SPATA13: variants seen among roughly 807,000 people sequenced by gnomAD.
SPATA13 encodes spermatogenesis associated 13.
In SPATA13, 50 loss-of-function variants were observed where a neutral mutation model predicts 104.0. The ratio of observed to expected loss-of-function variants is 0.48; its 90% CI spans 0.38 to 0.61. SPATA13 has a LOEUF of 0.61. SPATA13 is among the 20% of genes least tolerant of loss of function. The pLI, the probability that SPATA13 is intolerant of heterozygous loss-of-function variation, is 0.00. For synonymous variants in SPATA13, 606 were observed against 667.5 expected (o/e 0.91, Z 1.42); for missense variants, 1,524 against 1,690.6 (o/e 0.90, Z 1.73).
intron 3 of SPATA13, among the ~76,000 whole-genome samples, chr13:24,115,990 A>G (rs1409022): frequency 0.49 from 73,629 of 151,570 alleles, 18,977 homozygotes; most frequent in South Asian, 0.57. Flanking sequence ...GAACCTTATG[A>G]TCTAGTCTCA....
intron 1 of SPATA13, among the ~76,000 whole-genome samples, chr13:24,168,225 G>A (rs1255362393): frequency 2.0e-5 from 3 of 152,130 alleles, no homozygotes; most frequent in South Asian, 2.1e-4. Flanking sequence ...ACCCATAGCC[G>A]GTGCCCTTGG....
intron 1 of SPATA13, among the ~76,000 whole-genome samples, chr13:24,204,096 A>G (rs1870567840): frequency 6.6e-6 from 1 of 152,182 alleles, no homozygotes; most frequent in Admixed American, 6.5e-5. Context: ...TGGCTTCCTG[A>G]GAGAGACAGT....
rs371279268 is a variant in SPATA13 at position 24,297,036 on chromosome 13, TTTG to T, written c.3211-312_3211-310del. Among the ~76,000 whole-genome samples, 533 of 151,956 alleles carry T rather than the reference TTTG, an allele frequency of 3.5e-3. 4 individuals carry two copies. Among genetic ancestry groups the T allele is most frequent in the African/African-American group, 0.011 (446 of 41,458 alleles). On this transcript the variant is annotated intron_variant, in intron 10 of 12. Transcript: ENST00000382108. Reference sequence around the variant, plus strand: ...TTTTGTTGTTGTTGTTGTTTGTTTGTTTGTTGTTGTTGTTGTTTAGAGAGAAGG... The same window carrying T: ...TTTTGTTGTTGTTGTTGTTTGTTTGTTTGTTGTTGTTGTTTAGAGAGAAGG...
chr13:24,236,397 C>A (rs956586397), intron 2 of SPATA13, among the ~76,000 whole-genome samples: 17 of 152,074 alleles, frequency 1.1e-4, no homozygotes, highest in African/African-American at 4.1e-4. Context: ...TTGAGACCAG[C>A]CTGGACAACA....
rs1481620361 is a variant in SPATA13 at position 24,224,173 on chromosome 13, A to G, written c.1244A>G (p.Lys415Arg). Residue 415 changes from lysine to arginine, a missense_variant, in exon 2 of 13, where the codon AAA (lysine) becomes AGA (arginine). Lys to Arg is a conservative substitution (Grantham distance 26). Around this residue, in one of 2 missense-constraint regions of SPATA13, gnomAD observed 1,089 missense variants for 1,135.9 expected, o/e 0.96. Transcript: ENST00000382108. ...ACTGCCGTATTTCCTCTTGAAACCA[A>G]AAGTTCCTGGGCGGTGGAAAGCGAC... is the stretch of plus-strand genomic sequence containing the variant. ...ADTAVFPLET[K>R]SSWAVESDSS... 10 of 1,551,728 alleles carry G rather than the reference A, an allele frequency of 6.4e-6. No individual in the cohort carries two copies. Among genetic ancestry groups the G allele is most frequent in the Non-Finnish European group, 8.7e-6 (10 of 1,147,004 alleles).
chr13:24,142,855 C>T (rs1881807650), intron 3 of SPATA13, among the ~76,000 whole-genome samples: 1 of 152,160 alleles, frequency 6.6e-6, no homozygotes, highest in Non-Finnish European at 1.5e-5. Flanking sequence ...AGAGTGTTTC[C>T]CTTCCCCTGG....
chr13:24,064,843 A>T (rs1387720300), intron 3 of SPATA13, among the ~76,000 whole-genome samples: 1 of 152,108 alleles, frequency 6.6e-6, no homozygotes, highest in African/African-American at 2.4e-5. Flanking sequence ...TGGGGTAGGT[A>T]TTTTTTTCAA....
chr13:24,238,132 CTTTT>C (rs66810619), intron 2 of SPATA13, among the ~76,000 whole-genome samples: 2 of 77,154 alleles, frequency 2.6e-5, no homozygotes, highest in Non-Finnish European at 4.8e-5. Flanking sequence ...TTCTTCTTGA[CTTTT>C]TTTTTTTTTT....
At position 24,304,002 on chromosome 13, in the gene SPATA13, A is replaced by G. The variant is rs1381690330; in HGVS notation, c.*1229A>G. ...TATGATACAGTGAATATGAAAATGC[A>G]CTGGTCAGAAGGCACTCTCAAAGAG... On this transcript the variant is annotated 3_prime_UTR_variant, in exon 13 of 13. Transcript: ENST00000382108. 1.3e-5 allele frequency: 2 copies of G among 152,262 alleles called. No homozygotes were observed. The highest frequency in any genetic ancestry group is 4.8e-5 in the African/African-American group (2 of 41,462). The allele number at this position is 152,262 out of a possible 1,614,324, so 9.4% of individuals were successfully genotyped here.
chr13:24,059,896 G>T (rs1878716595), intron 3 of SPATA13, among the ~76,000 whole-genome samples: 1 of 152,200 alleles, frequency 6.6e-6, no homozygotes, highest in Admixed American at 6.5e-5. Context: ...AATAGGAGTG[G>T]TAAGAGGGGC....
chr13:24,073,809 G>A (rs1879242052), intron 3 of SPATA13, among the ~76,000 whole-genome samples: 1 of 152,202 alleles, frequency 6.6e-6, no homozygotes, highest in African/African-American at 2.4e-5. Flanking sequence ...GGGAGATGTG[G>A]GAGGGAGAAA....
At chr13:24,215,671 G>A (rs1220605) in intron 1 of SPATA13, among the ~76,000 whole-genome samples, 101,033 of 152,076 alleles carry the variant, frequency 0.66, 33,763 homozygotes, top group Admixed American at 0.74. Flanking sequence ...AGCTGTGGAT[G>A]TAAAAGCTAC....
chr13:24,234,423 C>A lies in SPATA13; in HGVS notation c.1653+9841C>A, dbSNP rs554256130. 6.6e-5 allele frequency among the ~76,000 whole-genome samples: 10 copies of A among 152,228 alleles called. 1 individual carries two copies. Among genetic ancestry groups the A allele is most frequent in the Admixed American group, 3.3e-4 (5 of 15,286 alleles). On this transcript the variant is annotated intron_variant, in intron 2 of 12. Coordinates refer to ENST00000382108, the MANE Select transcript of SPATA13 (RefSeq NM_001166271.3). ...TGATTTCAGTATACGTTTTTCTCCTCTTCTATATTTCTCTTCTTGAACTTC... is the reference window on the plus strand; with the variant it reads ...TGATTTCAGTATACGTTTTTCTCCTATTCTATATTTCTCTTCTTGAACTTC...
intron 1 of SPATA13, among the ~76,000 whole-genome samples, chr13:24,200,094 T>A (rs999381370): frequency 6.6e-6 from 1 of 152,236 alleles, no homozygotes; most frequent in Non-Finnish European, 1.5e-5. Context: ...TTATTCTCTT[T>A]GCCAGACTTG....
At chr13:24,292,457 G>T (rs1233302080) in intron 9 of SPATA13, among the ~76,000 whole-genome samples, 1 of 152,196 alleles carries the variant, frequency 6.6e-6, no homozygotes, top group Non-Finnish European at 1.5e-5. Flanking sequence ...TTTTAGATGA[G>T]AATCGAAACA....
chr13:24,151,540 G>A lies in SPATA13; in HGVS notation c.-111-71279G>A, dbSNP rs115943848. 3.1e-3 allele frequency among the ~76,000 whole-genome samples: 469 copies of A among 152,272 alleles called. 3 individuals are homozygous for A. The highest frequency in any genetic ancestry group is 0.01 in the African/African-American group (423 of 41,548). On this transcript the variant is annotated intron_variant, in intron 3 of 14. Transcript: ENST00000424834. ...AAAATACCCAGTTATATACATGAAA[G>A]TCCTGTCTCTGTCAGGGTTTTGTAA...
At chr13:24,239,208 T>A (rs1212871444) in intron 2 of SPATA13, among the ~76,000 whole-genome samples, 2 of 152,172 alleles carry the variant, frequency 1.3e-5, no homozygotes, top group African/African-American at 4.8e-5. Flanking sequence ...ATTATTTTGT[T>A]TGTAGAATGG....
intron 3 of SPATA13, among the ~76,000 whole-genome samples, chr13:24,113,868 CAA>C (rs958434459): frequency 7.1e-5 from 4 of 56,172 alleles, no homozygotes; most frequent in African/African-American, 1.3e-4. Context: ...GACTCGATCT[CAA>C]AAAAAAAAAA....
At position 24,223,128 on chromosome 13, in the gene SPATA13, C is replaced by A. The variant is rs937701242; in HGVS notation, c.199C>A (p.Leu67Ile). Residue 67 changes from leucine (L) to isoleucine (I), a missense_variant, in exon 2 of 13, where the codon CTC (leucine) becomes ATC (isoleucine). Transcript: ENST00000382108. ...CGACACGGACACCCAGGAAGCCAAACTCAGCCCAGCCAAGCTTGTGCGCCT... is the reference window on the plus strand; with the variant it reads ...CGACACGGACACCCAGGAAGCCAAAATCAGCCCAGCCAAGCTTGTGCGCCT... ...GGDTDTQEAK[L>I]SPAKLVRLFS... 5 of 1,551,610 alleles carry A rather than the reference C, an allele frequency of 3.2e-6. No homozygotes were observed. The highest frequency in any genetic ancestry group is 4.4e-6 in the Non-Finnish European group (5 of 1,147,018).
Sources: gnomAD v4.1 joint callset for allele counts (sites outside exome capture counted in the v4.1 genomes callset) on GRCh38, gnomAD v4.1.1 for gene constraint, gnomAD v4.1.1 regional missense constraint, MANE v1.5 for transcripts, NCBI Gene and HGNC (gene_info 2026-07-23, HGNC 2026-07-21) for gene names.